The following NTM variants were observed in gnomAD, a reference collection of about 807,000 sequenced individuals.
NTM encodes the protein IgLON family member 2.
A neutral mutation model predicts 42.1 loss-of-function variants in NTM; 13 were observed. That is an observed-to-expected ratio of 0.31 (90% CI 0.20 to 0.49). The LOEUF is 0.49. Among genes scored for constraint, NTM ranks in the 20% least tolerant of loss-of-function variants. The pLI is 0.99. For missense variants in NTM, 373 were observed against 452.8 expected, an observed-to-expected ratio of 0.82 and a Z score of 1.60; for synonymous variants, 187 against 179.2, an observed-to-expected ratio of 1.04 and a Z score of -0.35.
chr11:132,068,492 A>G (rs1484146435), intron 2 of NTM, among the ~76,000 whole-genome samples: 1 of 152,232 alleles, frequency 6.6e-6, no homozygotes, highest in East Asian at 1.9e-4. Flanking sequence ...AGACCTCACC[A>G]GAAGGGCTTC....
intron 4 of NTM, among the ~76,000 whole-genome samples, chr11:132,257,737 T>C (rs1374163574): frequency 6.6e-6 from 1 of 152,224 alleles, no homozygotes; most frequent in Non-Finnish European, 1.5e-5. Flanking sequence ...TTAAAGCGAT[T>C]GCTTGCGATC....
At chr11:132,152,437 TGACC>T (rs1241831872) in intron 3 of NTM, among the ~76,000 whole-genome samples, 1 of 152,248 alleles carries the variant, frequency 6.6e-6, no homozygotes, top group African/African-American at 2.4e-5. Context: ...TGCTTTCCAA[TGACC>T]TCTCTTTTTC....
intron 2 of NTM, among the ~76,000 whole-genome samples, chr11:132,018,627 C>T (rs1000676458): frequency 1.3e-5 from 2 of 151,988 alleles, no homozygotes; most frequent in East Asian, 1.9e-4. Flanking sequence ...ATTCAGCTTA[C>T]TAATGTTTTA....
chr11:132,242,406 G>T (rs986838596), intron 4 of NTM, among the ~76,000 whole-genome samples: 2 of 152,148 alleles, frequency 1.3e-5, no homozygotes, highest in East Asian at 3.9e-4. Context: ...AAAAAAGGGG[G>T]GCTCCTGCTT....
In NTM at chr11:131,871,033, C is replaced by A. The variant is rs556309076; in HGVS notation, c.83-40531C>A. ...CAGAAGGAACAAATGTGAGAAAGCTCATCTGAAAGCACCATTACATTTTTA... is the reference window on the plus strand; with the variant it reads ...CAGAAGGAACAAATGTGAGAAAGCTAATCTGAAAGCACCATTACATTTTTA... On this transcript the variant is annotated intron_variant, in intron 1 of 8. Transcript: ENST00000683400. 2.6e-5 allele frequency among the ~76,000 whole-genome samples: 4 copies of A among 152,262 alleles called. No homozygotes were observed. The South Asian group carries it at 8.3e-4, about 32-fold the overall frequency.
intron 1 of NTM, among the ~76,000 whole-genome samples, chr11:131,438,783 G>T (rs1171174404): frequency 6.6e-6 from 1 of 152,164 alleles, no homozygotes; most frequent in Admixed American, 6.5e-5. Flanking sequence ...GGCTACTTCT[G>T]TCAGCTCATC....
chr11:131,972,443 A>G (rs964505123), intron 2 of NTM, among the ~76,000 whole-genome samples: 9 of 152,184 alleles, frequency 5.9e-5, no homozygotes, highest in Non-Finnish European at 1.2e-4. Context: ...TAGGTAATTA[A>G]GATGAAGTCT....
At chr11:131,680,743 C>T (rs1427096951) in intron 1 of NTM, among the ~76,000 whole-genome samples, 2 of 147,348 alleles carry the variant, frequency 1.4e-5, no homozygotes, top group Non-Finnish European at 3.0e-5. Context: ...GCATGTGTGC[C>T]TCTGTGTCTG....
intron 1 of NTM, among the ~76,000 whole-genome samples, chr11:131,633,620 C>CCTCT (rs111781828): frequency 0.8 from 86,825 of 108,768 alleles, 34,819 homozygotes; most frequent in Non-Finnish European, 0.83. Context: ...TCACTCTCTC[C>CCTCT]CTCTCTCTAT....
chr11:132,331,758 G>C (rs57277563), intron 8 of NTM, among the ~76,000 whole-genome samples: 1 of 152,224 alleles, frequency 6.6e-6, no homozygotes, highest in African/African-American at 2.4e-5. Flanking sequence ...GGCAGGGAAG[G>C]CTGCCTGCAA....
At chr11:131,499,693 A>C (rs1443642813) in intron 1 of NTM, among the ~76,000 whole-genome samples, 2 of 151,980 alleles carry the variant, frequency 1.3e-5, no homozygotes, top group Non-Finnish European at 2.9e-5. Flanking sequence ...CCCTGCTAAC[A>C]ATTCTCCACC....
At chr11:131,960,501 G>A (rs948528223) in intron 2 of NTM, among the ~76,000 whole-genome samples, 3 of 151,244 alleles carry the variant, frequency 2.0e-5, no homozygotes, top group African/African-American at 7.3e-5. Context: ...GTTGACATAT[G>A]TTTTGTGATG....
chr11:132,044,180 A>G (rs73033097), intron 2 of NTM, among the ~76,000 whole-genome samples: 54,132 of 126,208 alleles, frequency 0.43, 12,786 homozygotes, highest in East Asian at 0.77. Flanking sequence ...GTGCATGTGT[A>G]TGTGTGTGTG....
chr11:131,673,038 G>C (rs111831956), intron 1 of NTM, among the ~76,000 whole-genome samples: 3 of 139,954 alleles, frequency 2.1e-5, no homozygotes, highest in Non-Finnish European at 4.4e-5. Context: ...AGAAGACCAC[G>C]GTGCCGGGGT....
chr11:131,564,501 C>T (rs571430312), intron 1 of NTM, among the ~76,000 whole-genome samples: 3 of 151,694 alleles, frequency 2.0e-5, no homozygotes, highest in African/African-American at 7.3e-5. Context: ...TCTTCTTTTT[C>T]AATTTTTTTT....
intron 2 of NTM, among the ~76,000 whole-genome samples, chr11:132,136,463 G>A (rs1480940315): frequency 6.6e-6 from 1 of 152,232 alleles, no homozygotes; most frequent in Non-Finnish European, 1.5e-5. Context: ...CCTGTGAACT[G>A]TGGGGTTTGG....
chr11:132,285,268 G>A (rs2094181962), intron 4 of NTM, among the ~76,000 whole-genome samples: 1 of 152,164 alleles, frequency 6.6e-6, no homozygotes, highest in South Asian at 2.1e-4. Context: ...ATCCTACCTG[G>A]TTCTCATGCC....
intron 1 of NTM, among the ~76,000 whole-genome samples, chr11:131,733,839 G>A (rs1298373966): frequency 1.3e-5 from 2 of 152,094 alleles, no homozygotes; most frequent in African/African-American, 4.8e-5. Flanking sequence ...TGCCCGACCT[G>A]AAATGTTATT....
intron 1 of NTM, among the ~76,000 whole-genome samples, chr11:131,881,904 G>A (rs79625256): frequency 0.016 from 2,374 of 152,254 alleles, 60 homozygotes; most frequent in African/African-American, 0.054. Flanking sequence ...AGAAGGTTGC[G>A]GGGCTGACCA....
Sources: allele counts gnomAD v4.1 joint callset (sites outside exome capture counted in the v4.1 genomes callset), GRCh38; gene constraint gnomAD v4.1.1; transcripts MANE v1.5; gene names NCBI Gene and HGNC (gene_info 2026-07-23, HGNC 2026-07-21).